SORBS2: variants seen among roughly 807,000 people sequenced by gnomAD.
The protein encoded by SORBS2 is sorbin and SH3 domain containing 2.
Under a neutral mutation model 97.7 loss-of-function variants are expected in SORBS2, and 46 were observed. The observed-to-expected ratio is 0.47, with a 90% CI of 0.37 to 0.60. The LOEUF is 0.60. SORBS2 is among the 20% of genes least tolerant of loss of function. SORBS2 has a pLI of 0.00. For synonymous variants in SORBS2, 476 were observed against 473.4 expected, an observed-to-expected ratio of 1.01 and a Z score of -0.07; for missense variants, 1,316 against 1,282.3, an observed-to-expected ratio of 1.03 and a Z score of -0.40.
At chr4:185,937,222 C>A (rs1163586844) in intron 1 of SORBS2, among the ~76,000 whole-genome samples, 1 of 152,134 alleles carries the variant, frequency 6.6e-6, no homozygotes, top group Non-Finnish European at 1.5e-5. Context: ...ACTGGAGGAG[C>A]ATGTTTCCTA....
rs546876030 is a variant in SORBS2, at chr4:185,755,898, G to GA, written c.-198+19328dup. Among the ~76,000 whole-genome samples the GA allele has an allele frequency of 8.6e-5, 13 of 152,002 alleles. No individual in the cohort carries two copies. The South Asian group carries it at 1.0e-3, about 12-fold the overall frequency. ...CCATACCTCCTCATGTTTATTAGAA[G>GA]AAAAAAATGTAACTCTGCATGTCAG... is the stretch of plus-strand genomic sequence containing the variant. On this transcript the variant is annotated intron_variant, in intron 2 of 20. Coordinates refer to the SORBS2 transcript ENST00000284776.
intron 1 of SORBS2, among the ~76,000 whole-genome samples, chr4:185,912,404 G>A (rs2099255672): frequency 1.3e-5 from 2 of 151,796 alleles, no homozygotes; most frequent in Admixed American, 6.6e-5. Flanking sequence ...GGCCAACATG[G>A]TGAAACCCCG....
At chr4:185,921,748 T>C (rs1229810704) in intron 1 of SORBS2, among the ~76,000 whole-genome samples, 2 of 152,250 alleles carry the variant, frequency 1.3e-5, no homozygotes, top group East Asian at 3.8e-4. Context: ...TTGCTATTTT[T>C]AGCCAGTTCT....
intron 2 of SORBS2, chr4:185,774,254 G>C (rs778459076): frequency 6.6e-6 from 1 of 152,202 alleles, no homozygotes; most frequent in South Asian, 2.1e-4. Flanking sequence ...CCAGACAGGG[G>C]CCATGAACTG....
chr4:185,884,297 A>G (rs2099238278), intron 1 of SORBS2, among the ~76,000 whole-genome samples: 1 of 152,184 alleles, frequency 6.6e-6, no homozygotes, highest in Non-Finnish European at 1.5e-5. Context: ...ATAGACATAA[A>G]TATTAATCTT....
intron 2 of SORBS2, among the ~76,000 whole-genome samples, chr4:185,731,898 A>ATATATATC (rs2098642533): frequency 1.2e-5 from 1 of 86,216 alleles, no homozygotes; most frequent in Non-Finnish European, 2.3e-5. Flanking sequence ...ATATATATAT[A>ATATATATC]TATATATATA....
At chr4:185,843,216 G>A (rs1254942488) in intron 1 of SORBS2, among the ~76,000 whole-genome samples, 1 of 152,178 alleles carries the variant, frequency 6.6e-6, no homozygotes, top group African/African-American at 2.4e-5. Flanking sequence ...AATCCGGAGA[G>A]TGTGGGGTCA....
intron 1 of SORBS2, among the ~76,000 whole-genome samples, chr4:185,926,454 G>A (rs1474325209): frequency 1.3e-5 from 2 of 151,944 alleles, no homozygotes; most frequent in Non-Finnish European, 2.9e-5. Flanking sequence ...TGATCATCTC[G>A]GAGGTGATGG....
Position 185,934,320 on chromosome 4 carries a change from A to G in SORBS2, c.-338+21876T>C, listed in dbSNP as rs558175586. On this transcript the variant is annotated intron_variant, in intron 1 of 20. Coordinates refer to the SORBS2 transcript ENST00000284776. ...AAGCCCTTCAGGATAAAACATGAAT[A>G]AGGCACTGTCCCTGCCACGCAAAGG... 3.9e-5 allele frequency among the ~76,000 whole-genome samples: 6 copies of G among 152,348 alleles called. No homozygotes were observed. In the East Asian group the frequency reaches 1.2e-3, roughly 29 times the overall value.
chr4:185,638,149 T>C (rs777796443), intron 4 of SORBS2: 1 of 1,608,382 alleles, frequency 6.2e-7, no homozygotes, highest in African/African-American at 1.3e-5. Flanking sequence ...GTCATCTGGA[T>C]TTATGCGATC....
intron 2 of SORBS2, among the ~76,000 whole-genome samples, chr4:185,765,158 A>T (rs1437745439): frequency 6.6e-6 from 1 of 152,178 alleles, no homozygotes; most frequent in Non-Finnish European, 1.5e-5. Context: ...ATGAAGCAAT[A>T]TGAAAAGACC....
intron 1 of SORBS2, 127 bp from the exon 10 acceptor site, chr4:185,652,855 CTT>C (rs1199341406): frequency 2.7e-6 from 2 of 734,234 alleles, no homozygotes; most frequent in Admixed American, 4.4e-5. Context: ...TGTTCTGACT[CTT>C]TGCTATGGCT....
chr4:185,876,789 A>C (rs2099233942), intron 1 of SORBS2, among the ~76,000 whole-genome samples: 1 of 152,226 alleles, frequency 6.6e-6, no homozygotes, highest in South Asian at 2.1e-4. Flanking sequence ...ATAATAATTC[A>C]GTTAAAATAA....
chr4:185,776,107 A>G (rs569244973), intron 1 of SORBS2, among the ~76,000 whole-genome samples: 4 of 144,092 alleles, frequency 2.8e-5, no homozygotes, highest in African/African-American at 7.3e-5. Context: ...AAGAAGTCGT[A>G]TTCATTCATT....
intron 1 of SORBS2, among the ~76,000 whole-genome samples, chr4:185,856,329 C>G (rs1561238858): frequency 6.6e-6 from 1 of 151,928 alleles, no homozygotes; most frequent in Non-Finnish European, 1.5e-5. Flanking sequence ...AGGTAAAACC[C>G]CAAGAATACC....
intron 2 of SORBS2, among the ~76,000 whole-genome samples, chr4:185,751,190 A>AAAAAAAAAAG: frequency 4.4e-4 from 38 of 86,440 alleles, no homozygotes; most frequent in African/African-American, 8.2e-4. Context: ...AAAAAAAAAA[A>AAAAAAAAAAG]AGAGAAAGAG....
intron 1 of SORBS2, among the ~76,000 whole-genome samples, chr4:185,873,748 C>T (rs1348134995): frequency 6.6e-6 from 1 of 152,042 alleles, no homozygotes; most frequent in Non-Finnish European, 1.5e-5. Context: ...TATATATTTC[C>T]TAGAATAATG....
intron 1 of SORBS2, among the ~76,000 whole-genome samples, chr4:185,834,497 T>A (rs1040228086): frequency 6.6e-6 from 1 of 152,128 alleles, no homozygotes. Context: ...TTTACATTCA[T>A]GTAGAGAAGA....
intron 1 of SORBS2, among the ~76,000 whole-genome samples, chr4:185,924,914 G>A (rs190658176): frequency 3.9e-5 from 6 of 152,114 alleles, no homozygotes; most frequent in East Asian, 3.9e-4. Flanking sequence ...TCCTATCGGC[G>A]TGAGACCAAG....
Sources: allele counts gnomAD v4.1 joint callset (sites outside exome capture counted in the v4.1 genomes callset), GRCh38; gene constraint gnomAD v4.1.1; transcripts MANE v1.5; gene names NCBI Gene and HGNC (gene_info 2026-07-23, HGNC 2026-07-21).